The following PAG1 variants were observed in gnomAD, a reference collection of about 807,000 sequenced individuals.
PAG1 encodes phosphoprotein associated with glycosphingolipid-enriched microdomains 1.
Under a neutral mutation model 31.7 loss-of-function variants are expected in PAG1, and 23 were observed. The ratio of observed to expected loss-of-function variants is 0.73; its 90% CI spans 0.52 to 1.03. PAG1 has a LOEUF of 1.03. PAG1 is among the 50% of genes least tolerant of loss of function. PAG1 has a pLI of 0.00. For missense variants in PAG1, 473 were observed against 540.7 expected (o/e 0.87, Z 1.24); for synonymous variants, 214 against 210.3 (o/e 1.02, Z -0.15).
At chr8:81,002,035 A>T (rs1264182947) in intron 3 of PAG1, among the ~76,000 whole-genome samples, 1 of 152,218 alleles carries the variant, frequency 6.6e-6, no homozygotes, top group East Asian at 1.9e-4. Context: ...CATTAATCAT[A>T]AACCTCCTTC....
At position 80,993,120 on chromosome 8, in the gene PAG1, C is replaced by T; in HGVS notation, c.108G>A (p.Leu36=). The T allele has an allele frequency of 1.2e-6, 2 of 1,613,634 alleles. No homozygotes were observed. Among genetic ancestry groups the T allele is most frequent in the South Asian group, 1.1e-5 (1 of 90,888 alleles). The change falls in exon 4 of 9, where the codon CTG becomes CTA. Residue 36 remains leucine (L), a synonymous_variant. Coordinates refer to ENST00000220597, the MANE Select transcript of PAG1 (RefSeq NM_018440.4). ...GTTCTCACCTGTCACAACTAGAGCA[C>T]AGGAAGATGAGGAAGGTGATGACGA... The part of the protein sequence containing the change: ...IFFVITFLIF[L]CSSCDREKKP...
chr8:81,041,703 G>C (rs1808557486), intron 2 of PAG1, among the ~76,000 whole-genome samples: 1 of 152,128 alleles, frequency 6.6e-6, no homozygotes, highest in South Asian at 2.1e-4. Context: ...CCTTCAGATG[G>C]AGAACCTCAG....
At chr8:81,017,835 T>A (rs1347756) in intron 3 of PAG1, among the ~76,000 whole-genome samples, 1 of 151,986 alleles carries the variant, frequency 6.6e-6, no homozygotes, top group Non-Finnish European at 1.5e-5. Context: ...TACCTGCACA[T>A]GGGAATTTAA....
At chr8:81,029,275 G>A (rs1808336036) in intron 3 of PAG1, among the ~76,000 whole-genome samples, 1 of 151,960 alleles carries the variant, frequency 6.6e-6, no homozygotes, top group African/African-American at 2.4e-5. Context: ...CTAAGCTCAT[G>A]ATTCACAAAG....
intron 3 of PAG1, among the ~76,000 whole-genome samples, chr8:81,003,753 A>C (rs1047590437): frequency 6.6e-6 from 1 of 152,330 alleles, no homozygotes; most frequent in African/African-American, 2.4e-5. Context: ...CCTAAAGTCT[A>C]AGATAAAAAT....
chr8:81,091,702 A>T (rs1412140072), intron 1 of PAG1, among the ~76,000 whole-genome samples: 1 of 152,156 alleles, frequency 6.6e-6, no homozygotes, highest in Non-Finnish European at 1.5e-5. Context: ...TACATATATA[A>T]ATAAACAATT....
intron 1 of PAG1, among the ~76,000 whole-genome samples, chr8:81,078,554 T>C (rs1809213641): frequency 6.6e-6 from 1 of 152,174 alleles, no homozygotes; most frequent in Admixed American, 6.5e-5. Context: ...AAAACACACA[T>C]TGACAAGGGT....
At position 80,967,862 on chromosome 8, in the gene PAG1, T is replaced by C. The variant is rs187586404; in HGVS notation, c.*8682A>G. ...TTAAAAAAGAACAAAGACAATTTGA[T>C]AAGTGCCTTTAATTACAACATACCT... On this transcript the variant is annotated 3_prime_UTR_variant, in exon 9 of 9. Transcript: ENST00000220597. The C allele has an allele frequency of 1.3e-5, 2 of 152,358 alleles. No individual in the cohort carries two copies. Among genetic ancestry groups the C allele is most frequent in the East Asian group, 3.9e-4 (2 of 5,190 alleles). The allele number at this position is 152,358 out of a possible 1,614,324, so 9.4% of individuals were successfully genotyped here.
chr8:81,001,764 T>G (rs1358603828), intron 3 of PAG1, among the ~76,000 whole-genome samples: 1 of 152,168 alleles, frequency 6.6e-6, no homozygotes, highest in Admixed American at 6.5e-5. Context: ...CAAAGTTCAG[T>G]GCCTTATTTA....
chr8:81,044,954 T>G (rs902184192), intron 2 of PAG1, among the ~76,000 whole-genome samples: 1 of 152,136 alleles, frequency 6.6e-6, no homozygotes, highest in Non-Finnish European at 1.5e-5. Context: ...TCCTTGTAAG[T>G]GCCCCCTATG....
intron 1 of PAG1, among the ~76,000 whole-genome samples, chr8:81,071,219 G>T (rs190065346): frequency 6.6e-6 from 1 of 152,314 alleles, no homozygotes; most frequent in Admixed American, 6.5e-5. Flanking sequence ...ACAGTGGCCA[G>T]CAAGACATGA....
chr8:81,081,398 T>C (rs529434171), intron 1 of PAG1, among the ~76,000 whole-genome samples: 1 of 152,312 alleles, frequency 6.6e-6, no homozygotes, highest in African/African-American at 2.4e-5. Flanking sequence ...CACAAGCAGT[T>C]ACTTATAATA....
At chr8:81,093,102 C>A (rs1809473986) in intron 1 of PAG1, among the ~76,000 whole-genome samples, 1 of 152,130 alleles carries the variant, frequency 6.6e-6, no homozygotes, top group Admixed American at 6.5e-5. Flanking sequence ...AACAACAAAA[C>A]AGAGCAAATG....
rs551429540 is a variant in PAG1, at chr8:81,009,588, A to G, written c.-80-16281T>C. 2.0e-5 allele frequency among the ~76,000 whole-genome samples: 3 copies of G among 152,338 alleles called. No homozygotes were observed. In the East Asian group the frequency reaches 5.8e-4, roughly 29 times the overall value. ...AAAGACTATGGCGACCTATTAAATT[A>G]GACCAGTGGTTTTCAACCCTGGCTA... On this transcript the variant is annotated intron_variant, in intron 3 of 8. Coordinates refer to ENST00000220597, the MANE Select transcript of PAG1 (RefSeq NM_018440.4).
intron 1 of PAG1, among the ~76,000 whole-genome samples, chr8:81,073,840 C>T (rs1809132614): frequency 6.6e-6 from 1 of 152,110 alleles, no homozygotes. Context: ...GGAGTGGGCG[C>T]TGCTTTGAGT....
intron 3 of PAG1, among the ~76,000 whole-genome samples, chr8:81,013,448 T>C (rs758549061): frequency 1.3e-5 from 2 of 152,120 alleles, no homozygotes; most frequent in Admixed American, 1.3e-4. Context: ...ACCCTGCCCC[T>C]GGGGTCATCC....
intron 3 of PAG1, among the ~76,000 whole-genome samples, chr8:81,005,557 C>G (rs1256900956): frequency 6.6e-6 from 1 of 152,158 alleles, no homozygotes; most frequent in Admixed American, 6.5e-5. Context: ...CCAAAAAGAC[C>G]TTGGACCCGA....
At chr8:81,085,027 A>G (rs1809328794) in intron 1 of PAG1, among the ~76,000 whole-genome samples, 1 of 152,224 alleles carries the variant, frequency 6.6e-6, no homozygotes, top group Non-Finnish European at 1.5e-5. Context: ...TATAAATACA[A>G]ATACTCTTCA....
At position 81,070,369 on chromosome 8, in the gene PAG1, C is replaced by T. The variant is rs565987935; in HGVS notation, c.-233-199G>A. ...GAATGTTAAAAAGCAAAAGCTAAAA[C>T]CTGCTCTTAAAACATCCAGACCTAA... is the stretch of plus-strand genomic sequence containing the variant. On this transcript the variant is annotated intron_variant, in intron 1 of 8. Transcript: ENST00000220597. 2.0e-5 allele frequency among the ~76,000 whole-genome samples: 3 copies of T among 152,252 alleles called. 1 individual carries two copies. The highest frequency in any genetic ancestry group is 4.1e-4 in the South Asian group (2 of 4,828).
Sources: gnomAD v4.1 joint callset for allele counts (sites outside exome capture counted in the v4.1 genomes callset) on GRCh38, gnomAD v4.1.1 for gene constraint, MANE v1.5 for transcripts, NCBI Gene and HGNC (gene_info 2026-07-23, HGNC 2026-07-21) for gene names.